Variants in EHF observed in about 807,000 individuals in gnomAD.
EHF encodes ESE3 transcription factor.
Under a neutral mutation model 45.1 loss-of-function variants are expected in EHF, and 14 were observed. The observed-to-expected ratio is 0.31, with a 90% CI of 0.21 to 0.49. The LOEUF is 0.49. EHF is among the 20% of genes least tolerant of loss of function. The probability of loss-of-function intolerance (pLI) is 0.99; values close to 1 mark genes in which losing one functional copy is unlikely to be tolerated. For synonymous variants in EHF, 136 were observed against 131.8 expected, an observed-to-expected ratio of 1.03 and a Z score of -0.22; for missense variants, 282 against 371.4, an observed-to-expected ratio of 0.76 and a Z score of 1.98.
chr11:34,639,455 C>T (rs1262869996), intron 1 of EHF, among the ~76,000 whole-genome samples: 2 of 152,226 alleles, frequency 1.3e-5, no homozygotes, highest in African/African-American at 4.8e-5. Flanking sequence ...TTGTTATCCA[C>T]GATCTCATTC....
chr11:34,657,206 C>T (rs994065495), intron 7 of EHF, among the ~76,000 whole-genome samples: 4 of 152,150 alleles, frequency 2.6e-5, no homozygotes, highest in Admixed American at 6.5e-5. Context: ...CATATGTGCT[C>T]TAAAACTGAG....
intron 1 of EHF, among the ~76,000 whole-genome samples, chr11:34,640,638 C>T (rs1256256312): frequency 1.3e-5 from 2 of 152,164 alleles, no homozygotes; most frequent in Non-Finnish European, 2.9e-5. Flanking sequence ...AGGGCAATTG[C>T]TCTACAAAGT....
chr11:34,658,561 C>T lies in EHF; in HGVS notation c.636C>T (p.Phe212=). Residue 212 remains phenylalanine, a synonymous_variant, in exon 8 of 9, where the codon TTC becomes TTT. Coordinates refer to ENST00000257831, the MANE Select transcript of EHF (RefSeq NM_012153.6). The stretch of plus-strand genomic sequence containing the variant: ...CGAGAGGGACTCACTTATGGGAATT[C>T]ATCCGCGACATCCTCTTGAACCCAG... ...HNPRGTHLWE[F]IRDILLNPDK... is the part of the protein sequence containing the mutation. 6.2e-7 allele frequency: 1 copy of T among 1,613,440 alleles called. No homozygotes were observed. Among genetic ancestry groups the T allele is most frequent in the South Asian group, 1.1e-5 (1 of 91,018 alleles).
At chr11:34,645,288 A>G (rs1854402230) in intron 2 of EHF, among the ~76,000 whole-genome samples, 6 of 152,162 alleles carry the variant, frequency 3.9e-5, no homozygotes, top group Admixed American at 3.9e-4. Context: ...ATATTTATCC[A>G]GTTTAATGAA....
chr11:34,648,886 C>T lies in EHF; in HGVS notation c.344-133C>T, dbSNP rs547409900. 18 of 808,248 alleles carry T rather than the reference C, an allele frequency of 2.2e-5. No individual in the cohort carries two copies. The African/African-American group carries it at 3.0e-4, about 14-fold the overall frequency. The allele number at this position is 808,248 out of a possible 1,614,324, so 50.1% of individuals were successfully genotyped here. A position where few individuals can be genotyped will look rare whatever the true frequency, so the allele number is the denominator to read the frequency against. On this transcript the variant is annotated intron_variant, in intron 3 of 8. Transcript: ENST00000257831. ...TAGAGGCTGACAGAGAAACCACCTCCCATAAACAAACATAGGTGACCAGGC... is the reference window on the plus strand; with the variant it reads ...TAGAGGCTGACAGAGAAACCACCTCTCATAAACAAACATAGGTGACCAGGC...
chr11:34,660,433 A>G lies in EHF; in HGVS notation c.*1502A>G, dbSNP rs1856011458. 6.6e-6 allele frequency: 1 copy of G among 152,102 alleles called. No individual in the cohort carries two copies. Among genetic ancestry groups the G allele is most frequent in the South Asian group, 2.1e-4 (1 of 4,828 alleles). The allele number at this position is 152,102 out of a possible 1,614,324, so 9.4% of individuals were successfully genotyped here. A position where few individuals can be genotyped will look rare whatever the true frequency, so the allele number is the denominator to read the frequency against. On this transcript the variant is annotated 3_prime_UTR_variant, in exon 9 of 9. Transcript: ENST00000257831. ...TATTGCCTAGATTTGTACTCAGAGG[A>G]ATTTTTTTTGTTTTGTTTTGTCTTT...
intron 6 of EHF, 51 bp from the exon 7 acceptor site, chr11:34,656,857 A>G: frequency 6.3e-7 from 1 of 1,589,680 alleles, no homozygotes; most frequent in Non-Finnish European, 8.6e-7. Flanking sequence ...TGAATAAAAA[A>G]GAGAATTATA....
intron 4 of EHF, among the ~76,000 whole-genome samples, chr11:34,651,143 AAATT>A (rs1257595705): frequency 2.2e-5 from 2 of 92,688 alleles, no homozygotes; most frequent in African/African-American, 7.6e-5. Context: ...ACATTTAAAT[AAATT>A]AATCCCTAAC....
chr11:34,647,812 A>G (rs1854725752), intron 3 of EHF, among the ~76,000 whole-genome samples: 2 of 152,186 alleles, frequency 1.3e-5, no homozygotes, highest in Non-Finnish European at 2.9e-5. Context: ...CCCACCTCAC[A>G]TTGGTGGCTG....
chr11:34,649,630 C>G (rs1854943537), intron 4 of EHF, among the ~76,000 whole-genome samples: 1 of 152,212 alleles, frequency 6.6e-6, no homozygotes, highest in East Asian at 1.9e-4. Context: ...GGACAAAATG[C>G]TGGGCTCTGA....
At chr11:34,624,593 A>C (rs946115061) in intron 1 of EHF, among the ~76,000 whole-genome samples, 13 of 152,250 alleles carry the variant, frequency 8.5e-5, no homozygotes, top group African/African-American at 3.1e-4. Flanking sequence ...TGCAGGAAAC[A>C]AACAGTGCAG....
chr11:34,632,218 A>C (rs997167786), intron 1 of EHF, among the ~76,000 whole-genome samples: 1 of 152,218 alleles, frequency 6.6e-6, no homozygotes, highest in Non-Finnish European at 1.5e-5. Context: ...TTTTCCTACA[A>C]ATCAATGCTT....
At chr11:34,651,962 C>T (rs1175754785) in intron 6 of EHF, among the ~76,000 whole-genome samples, 157 bp downstream of exon 6, 1 of 152,142 alleles carries the variant, frequency 6.6e-6, no homozygotes, top group Non-Finnish European at 1.5e-5. Flanking sequence ...GCTTTTGAGG[C>T]AATATTTGTA....
At position 34,627,609 on chromosome 11, in the gene EHF, A is replaced by C. The variant is rs183492560; in HGVS notation, c.-4+6381A>C. 1.2e-3 allele frequency among the ~76,000 whole-genome samples: 190 copies of C among 152,236 alleles called. 1 individual carries two copies. Among genetic ancestry groups the C allele is most frequent in the African/African-American group, 4.4e-3 (181 of 41,542 alleles). On this transcript the variant is annotated intron_variant, in intron 1 of 8. Transcript: ENST00000257831. Reference sequence around the variant, plus strand: ...GTCTACCTCTTGGTAAATTATTCAAATGAGGTTTCTGGTCATGCAAATGTG... The same window carrying C: ...GTCTACCTCTTGGTAAATTATTCAACTGAGGTTTCTGGTCATGCAAATGTG...
chr11:34,656,402 A>T (rs1855678658), intron 6 of EHF, among the ~76,000 whole-genome samples: 1 of 152,156 alleles, frequency 6.6e-6, no homozygotes, highest in Admixed American at 6.5e-5. Flanking sequence ...GCTAAAAAAA[A>T]AAAACCACAA....
At chr11:34,648,693 G>T (rs909729921) in intron 3 of EHF, among the ~76,000 whole-genome samples, 26 of 152,128 alleles carry the variant, frequency 1.7e-4, no homozygotes, top group African/African-American at 5.8e-4. Flanking sequence ...GACCCAGAAA[G>T]GTAAAGTGCA....
At chr11:34,626,259 C>T (rs1057392824) in intron 1 of EHF, among the ~76,000 whole-genome samples, 1 of 152,166 alleles carries the variant, frequency 6.6e-6, no homozygotes, top group Non-Finnish European at 1.5e-5. Flanking sequence ...AGTTGCCTGT[C>T]CAGCCCTTTC....
chr11:34,658,890 T>C lies in EHF; in HGVS notation c.862T>C (p.Phe288Leu). The C allele has an allele frequency of 6.2e-7, 1 of 1,613,458 alleles. No individual in the cohort carries two copies. Among genetic ancestry groups the C allele is most frequent in the Non-Finnish European group, 8.5e-7 (1 of 1,179,684 alleles). Residue 288 changes from phenylalanine (F) to leucine (L), a missense_variant, in exon 9 of 9, where the codon TTT (phenylalanine) becomes CTT (leucine). Coordinates refer to ENST00000257831, the MANE Select transcript of EHF (RefSeq NM_012153.6). ...GGATGGACGAAGACTGGTATATAAA[T>C]TTGGGAAGAATGCCCGAGGATGGAG... ...RVDGRRLVYK[F>L]GKNARGWREN...
Position 34,661,342 on chromosome 11 carries a change from A to T in EHF, c.*2411A>T, listed in dbSNP as rs1333159444. 2.0e-5 allele frequency among the ~76,000 whole-genome samples: 3 copies of T among 152,144 alleles called. No homozygotes were observed. Among genetic ancestry groups the T allele is most frequent in the Non-Finnish European group, 4.4e-5 (3 of 68,008 alleles). ...CCTGTTCATCATCTAAGGAGGCTAG[A>T]TCCTTCGCTGACTTCACCATTCCTC... On this transcript the variant is annotated 3_prime_UTR_variant, in exon 9 of 9. Coordinates refer to ENST00000257831, the MANE Select transcript of EHF (RefSeq NM_012153.6).
Sources: allele counts gnomAD v4.1 joint callset (sites outside exome capture counted in the v4.1 genomes callset), GRCh38; gene constraint gnomAD v4.1.1; transcripts MANE v1.5; gene names NCBI Gene and HGNC (gene_info 2026-07-23, HGNC 2026-07-21).